KIF2C: variants seen among roughly 807,000 people sequenced by gnomAD.
KIF2C encodes the protein kinesin-like protein KIF2C.
Under a neutral mutation model 97.4 loss-of-function variants are expected in KIF2C, and 34 were observed. The observed-to-expected ratio is 0.35, with a 90% CI of 0.27 to 0.46. The LOEUF (loss-of-function observed/expected upper bound fraction) is 0.46, where lower values mean the gene tolerates loss of function less well. KIF2C is among the 20% of genes least tolerant of loss of function. The pLI is 1.00. For missense variants in KIF2C, 750 were observed against 907.6 expected, an observed-to-expected ratio of 0.83 and a Z score of 2.23; for synonymous variants, 313 against 318.2, an observed-to-expected ratio of 0.98 and a Z score of 0.17.
chr1:44,756,575 G>A lies in KIF2C; in HGVS notation c.977+338G>A, dbSNP rs574684125. Among the ~76,000 whole-genome samples the A allele has an allele frequency of 4.7e-3, 646 of 137,188 alleles. 3 individuals carry two copies. Among genetic ancestry groups the A allele is most frequent in the South Asian group, 0.033 (142 of 4,260 alleles). 90.0% of individuals were successfully genotyped at this position (137,188 alleles called of 152,430 possible). A position where few individuals can be genotyped will look rare whatever the true frequency, so the allele number is the denominator to read the frequency against. On this transcript the variant is annotated intron_variant, in intron 10 of 20. Transcript: ENST00000372224. ...TTTTTTTTTTTTTTTTTTTTGAGAC[G>A]GAGTTTTGCTCTTGTTGCCCAGACT...
chr1:44,753,532 A>G (rs1244318648), intron 6 of KIF2C, among the ~76,000 whole-genome samples: 1 of 152,194 alleles, frequency 6.6e-6, no homozygotes, highest in Non-Finnish European at 1.5e-5. Flanking sequence ...TGGCCAGGCC[A>G]CTACTTTGTG....
chr1:44,750,284 GTCTT>G (rs1324556691), intron 4 of KIF2C, 154 bp from the exon 5 acceptor site: 23 of 701,808 alleles, frequency 3.3e-5, no homozygotes, highest in Non-Finnish European at 4.5e-5. Flanking sequence ...CTGGTACTTG[GTCTT>G]TCTAATTTTT....
chr1:44,764,895 A>G (rs770679520), intron 19 of KIF2C, among the ~76,000 whole-genome samples: 10 of 152,096 alleles, frequency 6.6e-5, no homozygotes, highest in Non-Finnish European at 1.2e-4. Context: ...TGAGGCGGCC[A>G]CATCAACTAA....
chr1:44,765,272 T>G (rs1446646332), intron 19 of KIF2C, among the ~76,000 whole-genome samples: 1 of 151,432 alleles, frequency 6.6e-6, no homozygotes, highest in African/African-American at 2.4e-5. Flanking sequence ...TAAAAATAAA[T>G]AAATATCCCA....
intron 16 of KIF2C, 115 bp from the exon 17 acceptor site, chr1:44,761,801 C>A: frequency 1.1e-6 from 1 of 936,172 alleles, no homozygotes; most frequent in South Asian, 1.4e-5. Flanking sequence ...CCCACCAATA[C>A]CATGTGGGTC....
intron 11 of KIF2C, 123 bp from the exon 12 acceptor site, chr1:44,757,785 C>A: frequency 1.7e-6 from 2 of 1,157,900 alleles, no homozygotes; most frequent in South Asian, 2.5e-5. Context: ...ATGTCAGATG[C>A]AGGGAGGGGC....
rs1231336634 is a variant in KIF2C at position 44,767,673 on chromosome 1, C to G, written c.*494C>G. The G allele has an allele frequency of 1.9e-5, 3 of 160,650 alleles. No individual in the cohort carries two copies. Among genetic ancestry groups the G allele is most frequent in the African/African-American group, 7.2e-5 (3 of 41,508 alleles). The allele number at this position is 160,650 out of a possible 1,614,324, so 10.0% of individuals were successfully genotyped here. On this transcript the variant is annotated 3_prime_UTR_variant, in exon 21 of 21. Coordinates refer to ENST00000372224, the MANE Select transcript of KIF2C (RefSeq NM_006845.4). ...TCTACTTTACTGTCTCCCTAGAGAT[C>G]CTAGAGGATCCCTACTGTTTTCTGT...
At chr1:44,753,387 C>A in intron 6 of KIF2C, 133 bp downstream of exon 6, 1 of 994,604 alleles carries the variant, frequency 1.0e-6, no homozygotes, top group Non-Finnish European at 1.4e-6. Context: ...TTTCCTCTGG[C>A]CATGGAATCA....
At chr1:44,755,899 T>C in intron 8 of KIF2C, 30 bp from the exon 9 acceptor site, 2 of 1,611,492 alleles carry the variant, frequency 1.2e-6, no homozygotes, top group Non-Finnish European at 1.7e-6. Flanking sequence ...GACCCTTTGC[T>C]GTTGGTTGCC....
chr1:44,762,234 G>C (rs1029665015), intron 17 of KIF2C, 112 bp from the exon 18 acceptor site: 1 of 1,039,256 alleles, frequency 9.6e-7, no homozygotes, highest in African/African-American at 1.6e-5. Flanking sequence ...TGAAGGCAAG[G>C]TTGCCATTCC....
intron 2 of KIF2C, among the ~76,000 whole-genome samples, 157 bp downstream of exon 2, chr1:44,741,164 C>T (rs1270426778): frequency 2.0e-5 from 3 of 152,100 alleles, no homozygotes; most frequent in African/African-American, 4.8e-5. Flanking sequence ...GGGCAGATCA[C>T]CTGATGTCAG....
chr1:44,740,113 T>C, intron 1 of KIF2C, 111 bp downstream of exon 1: 1 of 1,275,506 alleles, frequency 7.8e-7, no homozygotes, highest in Non-Finnish European at 1.1e-6. Flanking sequence ...TCTCCCTCCC[T>C]CCTTTTCACA....
chr1:44,759,399 A>G (rs778982493), intron 14 of KIF2C, 51 bp downstream of exon 14: 1 of 1,605,468 alleles, frequency 6.2e-7, no homozygotes. Flanking sequence ...CTGGTTTATG[A>G]GTAAAGTCTA....
rs1649634073 is a variant in KIF2C, at chr1:44,753,402, TTCATTA to T, written c.562+152_562+157del. ...TTTCCTCTGGCCATGGAATCAGTCTTTCATTATCAAGACAAAACAAGAACTGTTTCA... is the reference window on the plus strand; with the variant it reads ...TTTCCTCTGGCCATGGAATCAGTCTTTCAAGACAAAACAAGAACTGTTTCA... On this transcript the variant is annotated intron_variant, in intron 6 of 20. Coordinates refer to ENST00000372224, the MANE Select transcript of KIF2C (RefSeq NM_006845.4). The T allele has an allele frequency of 4.3e-6, 4 of 922,392 alleles. No homozygotes were observed. The African/African-American group carries it at 6.8e-5, about 16-fold the overall frequency. 57.1% of individuals were successfully genotyped at this position (922,392 alleles called of 1,614,324 possible). A position where few individuals can be genotyped will look rare whatever the true frequency, so the allele number is the denominator to read the frequency against.
intron 2 of KIF2C, among the ~76,000 whole-genome samples, chr1:44,741,806 A>G (rs546147006): frequency 1.3e-5 from 2 of 152,096 alleles, no homozygotes; most frequent in African/African-American, 4.8e-5. Flanking sequence ...GCTGGGCAAC[A>G]TGACAAAACC....
chr1:44,767,307 T>G lies in KIF2C; in HGVS notation c.*128T>G. The G allele has an allele frequency of 2.8e-6, 2 of 713,446 alleles. No individual in the cohort carries two copies. Among genetic ancestry groups the G allele is most frequent in the Non-Finnish European group, 4.8e-6 (2 of 416,340 alleles). The allele number at this position is 713,446 out of a possible 1,614,324, so 44.2% of individuals were successfully genotyped here. A position where few individuals can be genotyped will look rare whatever the true frequency, so the allele number is the denominator to read the frequency against. On this transcript the variant is annotated 3_prime_UTR_variant, in exon 21 of 21. Transcript: ENST00000372224. Reference sequence around the variant, plus strand: ...GACAGGTTCTGGTAAATGCCAAGTATGGGGGCATCTGGGCCCAGGGCAGCT... The same window carrying G: ...GACAGGTTCTGGTAAATGCCAAGTAGGGGGGCATCTGGGCCCAGGGCAGCT...
At chr1:44,746,714 C>A in intron 2 of KIF2C, 1 of 1,609,126 alleles carries the variant, frequency 6.2e-7, no homozygotes, top group Non-Finnish European at 8.5e-7. Context: ...TCATCACTGA[C>A]GTCTACCATT....
chr1:44,755,860 C>CTGGACAAGCTCGCTT, intron 8 of KIF2C, 69 bp from the exon 9 acceptor site: 1 of 1,494,856 alleles, frequency 6.7e-7, no homozygotes, highest in Non-Finnish European at 9.3e-7. Context: ...GGTGGGAGTT[C>CTGGACAAGCTCGCTT]TGGACAAGCT....
chr1:44,753,625 C>T lies in KIF2C; in HGVS notation c.563-108C>T. The T allele has an allele frequency of 8.6e-6, 6 of 695,100 alleles. No homozygotes were observed. In the South Asian group the frequency reaches 1.3e-4, roughly 15 times the overall value. 43.1% of individuals were successfully genotyped at this position (695,100 alleles called of 1,614,324 possible). A position where few individuals can be genotyped will look rare whatever the true frequency, so the allele number is the denominator to read the frequency against. ...AGTAAGGATCTAGAGAAGGCCTCTC[C>T]CTGGGAAAGGCCCAGTACTCAGTAA... On this transcript the variant is annotated intron_variant, in intron 6 of 20. Coordinates refer to ENST00000372224, the MANE Select transcript of KIF2C (RefSeq NM_006845.4).
Sources: allele counts gnomAD v4.1 joint callset (sites outside exome capture counted in the v4.1 genomes callset), GRCh38; gene constraint gnomAD v4.1.1; transcripts MANE v1.5; gene names NCBI Gene and HGNC (gene_info 2026-07-23, HGNC 2026-07-21).